Variants in CDIN1 observed in about 807,000 individuals in gnomAD.
CDIN1 encodes the protein CDAN1 interacting nuclease 1, also known as CDAN1-interacting nuclease 1.
In CDIN1, 33 loss-of-function variants were observed where a neutral mutation model predicts 45.3. That is an observed-to-expected ratio of 0.73 (90% CI 0.55 to 0.97). The LOEUF (loss-of-function observed/expected upper bound fraction) is 0.97, where lower values mean the gene tolerates loss of function less well. Ranked by LOEUF, CDIN1 falls within the 50% of genes least tolerant of loss-of-function variation. The probability of loss-of-function intolerance (pLI) is 0.00; values close to 1 mark genes in which losing one functional copy is unlikely to be tolerated. For synonymous variants in CDIN1, 118 were observed against 124.4 expected, an observed-to-expected ratio of 0.95 and a Z score of 0.34; for missense variants, 303 against 339.4, an observed-to-expected ratio of 0.89 and a Z score of 0.84.
intron 10 of CDIN1, among the ~76,000 whole-genome samples, chr15:36,802,013 C>T (rs1190273082): frequency 1.3e-5 from 2 of 152,110 alleles, no homozygotes; most frequent in African/African-American, 4.8e-5. Flanking sequence ...CCCTGCTTGC[C>T]TATCACCTAT....
At chr15:36,619,492 T>G (rs2039055693) in intron 1 of CDIN1, among the ~76,000 whole-genome samples, 1 of 151,934 alleles carries the variant, frequency 6.6e-6, no homozygotes. Flanking sequence ...TCTATCTATC[T>G]ATCTATCTAT....
At chr15:36,729,408 G>A (rs915434843) in intron 10 of CDIN1, among the ~76,000 whole-genome samples, 1 of 152,138 alleles carries the variant, frequency 6.6e-6, no homozygotes. Flanking sequence ...GGTTTTAGGG[G>A]AGGGAATAGT....
Position 36,808,859 on chromosome 15 carries a change from G to A in CDIN1, c.*406G>A, listed in dbSNP as rs186462708. ...CTTATTTTTTTTTCCCTAAGCCTCC[G>A]TTCACTGTCTCTCCCTCTCCCTTTC... On this transcript the variant is annotated 3_prime_UTR_variant, in exon 11 of 11. Transcript: ENST00000566621. The A allele has an allele frequency of 3.1e-5, 14 of 455,212 alleles. No homozygotes were observed. The highest frequency in any genetic ancestry group is 1.4e-4 in the East Asian group (2 of 14,390). 28.2% of individuals were successfully genotyped at this position (455,212 alleles called of 1,614,324 possible).
intron 5 of CDIN1, among the ~76,000 whole-genome samples, chr15:36,689,171 C>G (rs1033558890): frequency 2.0e-5 from 3 of 152,054 alleles, no homozygotes; most frequent in African/African-American, 7.2e-5. Flanking sequence ...ATAAGCATAC[C>G]ACTGTTCTAA....
chr15:36,614,915 C>T (rs1400368741), intron 1 of CDIN1, among the ~76,000 whole-genome samples: 1 of 152,100 alleles, frequency 6.6e-6, no homozygotes, highest in East Asian at 1.9e-4. Context: ...TACCCCCTCC[C>T]AACTGCTTAC....
intron 1 of CDIN1, among the ~76,000 whole-genome samples, chr15:36,610,272 T>G (rs960004352): frequency 1.3e-5 from 2 of 152,338 alleles, no homozygotes; most frequent in African/African-American, 4.8e-5. Context: ...CACTTCAAAT[T>G]GTGGTGTTGT....
intron 10 of CDIN1, 146 bp from the exon 11 acceptor site, chr15:36,808,178 G>T: frequency 1.0e-6 from 1 of 999,916 alleles, no homozygotes; most frequent in Non-Finnish European, 1.5e-6. Context: ...GTATAAGTTT[G>T]GCTATTTTCA....
At chr15:36,637,474 G>T (rs1388448188) in intron 1 of CDIN1, among the ~76,000 whole-genome samples, 2 of 152,204 alleles carry the variant, frequency 1.3e-5, no homozygotes, top group Non-Finnish European at 2.9e-5. Context: ...GAGAGAAAGT[G>T]TGATGAGGAT....
chr15:36,628,961 CAG>C (rs2039566812), intron 1 of CDIN1, among the ~76,000 whole-genome samples: 1 of 152,062 alleles, frequency 6.6e-6, no homozygotes, highest in East Asian at 1.9e-4. Context: ...GAAAATGAAG[CAG>C]AGAGAGATTT....
chr15:36,791,410 A>G (rs984676135), intron 10 of CDIN1, among the ~76,000 whole-genome samples: 2 of 152,192 alleles, frequency 1.3e-5, no homozygotes, highest in Non-Finnish European at 2.9e-5. Context: ...ATAAATATAT[A>G]ATTGTAACGT....
At chr15:36,622,120 C>A (rs2039224251) in intron 1 of CDIN1, among the ~76,000 whole-genome samples, 1 of 152,130 alleles carries the variant, frequency 6.6e-6, no homozygotes, top group Non-Finnish European at 1.5e-5. Flanking sequence ...GTGTTTGTTT[C>A]TTTCATCATG....
intron 1 of CDIN1, chr15:36,613,585 A>C: frequency 6.8e-7 from 1 of 1,476,826 alleles, no homozygotes; most frequent in South Asian, 1.1e-5. Flanking sequence ...TTGAGGGAGA[A>C]AGGCGGGCCC....
chr15:36,796,382 G>A (rs2054797693), intron 10 of CDIN1, among the ~76,000 whole-genome samples: 1 of 152,212 alleles, frequency 6.6e-6, no homozygotes. Context: ...TGGATTAGCT[G>A]CAGGGGCATT....
intron 9 of CDIN1, 93 bp from the exon 10 acceptor site, chr15:36,709,763 C>T: frequency 1.1e-6 from 1 of 892,246 alleles, no homozygotes; most frequent in Non-Finnish European, 1.9e-6. Context: ...AGCCTGTGCT[C>T]ATTAATGTGA....
intron 10 of CDIN1, among the ~76,000 whole-genome samples, chr15:36,797,787 C>G (rs766185265): frequency 4.0e-5 from 6 of 151,248 alleles, no homozygotes; most frequent in Non-Finnish European, 5.9e-5. Context: ...CAAGACGAGC[C>G]TTGCCAACAT....
chr15:36,592,078 ATT>A (rs35313314), intron 1 of CDIN1, among the ~76,000 whole-genome samples: 1,618 of 150,766 alleles, frequency 0.011, 30 homozygotes, highest in African/African-American at 0.037. Flanking sequence ...TCTAGATCTG[ATT>A]TTTTTTTTTA....
chr15:36,758,371 G>C lies in CDIN1; in HGVS notation c.716+48410G>C, dbSNP rs541952964. Among the ~76,000 whole-genome samples the C allele has an allele frequency of 2.6e-5, 4 of 152,206 alleles. No homozygotes were observed. In the South Asian group the frequency reaches 8.3e-4, roughly 32 times the overall value. ...CTGAGCTTCTGGTTTTGTTTCATTG[G>C]GGACAATCTTTTCATTGTAAAAAAG... On this transcript the variant is annotated intron_variant, in intron 10 of 10. Transcript: ENST00000566621.
chr15:36,664,550 C>T (rs536832122), intron 5 of CDIN1, among the ~76,000 whole-genome samples: 5 of 151,984 alleles, frequency 3.3e-5, no homozygotes, highest in African/African-American at 9.7e-5. Flanking sequence ...GTTTATTGAT[C>T]ACACTTTTTT....
intron 1 of CDIN1, among the ~76,000 whole-genome samples, chr15:36,624,664 T>G (rs1350165505): frequency 6.6e-6 from 1 of 152,226 alleles, no homozygotes; most frequent in Non-Finnish European, 1.5e-5. Context: ...TTTTTGCATT[T>G]CCTTGTTAAA....
Sources: gnomAD v4.1 joint callset for allele counts (sites outside exome capture counted in the v4.1 genomes callset) on GRCh38, gnomAD v4.1.1 for gene constraint, MANE v1.5 for transcripts, NCBI Gene and HGNC (gene_info 2026-07-23, HGNC 2026-07-21) for gene names.